SCNN1D: variants seen among roughly 807,000 people sequenced by gnomAD.
SCNN1D encodes the protein epithelial sodium channel subunit delta.
SCNN1D carries 104 observed loss-of-function variants against 87.8 expected under a neutral mutation model. The ratio of observed to expected loss-of-function variants is 1.18; its 90% confidence interval spans 1.01 to 1.39. SCNN1D has a LOEUF of 1.39. Ranked by LOEUF, SCNN1D falls within the 40% of genes most tolerant of loss-of-function variation. SCNN1D has a pLI of 0.00. For missense variants in SCNN1D, 1,324 were observed against 1,093.9 expected (o/e 1.21, Z -2.97); for synonymous variants, 628 against 481.2 (o/e 1.31, Z -3.99).
At chr1:1,286,639 G>A (rs1640597507) in intron 7 of SCNN1D, 129 bp from the exon 8 acceptor site, 1 of 888,066 alleles carries the variant, frequency 1.1e-6, no homozygotes, top group South Asian at 1.7e-5. Context: ...CTCCAGCTCT[G>A]GGTCCAGCTC....
At chr1:1,288,297 G>A (rs1192757350) in intron 12 of SCNN1D, among the ~76,000 whole-genome samples, 2 of 79,114 alleles carry the variant, frequency 2.5e-5, no homozygotes, top group Non-Finnish European at 1.9e-5. Flanking sequence ...GCTCCGTCCC[G>A]TGTCTGCTCC....
chr1:1,290,548 C>A lies in SCNN1D; in HGVS notation c.1852C>A (p.Pro618Thr). The A allele has an allele frequency of 6.2e-7, 1 of 1,612,686 alleles. No homozygotes were observed. Among genetic ancestry groups the A allele is most frequent in the South Asian group, 1.1e-5 (1 of 91,092 alleles). Residue 618 changes from proline to threonine, a missense_variant, in exon 14 of 18, where the codon CCC becomes ACC. Physicochemically the swap from Pro to Thr is conservative, Grantham distance 38 (BLOSUM62 -1). Coordinates refer to ENST00000379116, the MANE Select transcript of SCNN1D (RefSeq NM_001130413.4). The stretch of plus-strand genomic sequence containing the variant: ...CCCCTGTACCTCCCGCTGCCCCAGG[C>A]CCTGCAGGTGAGACGGGGGTGTTGG... ...RLPCTSRCPRPCRESAFKLST... is the reference protein window; with the variant it reads ...RLPCTSRCPRTCRESAFKLST...
In SCNN1D at chr1:1,290,431, G is replaced by C. The variant is rs188351262; in HGVS notation, c.1780+43G>C. 3.1e-6 allele frequency: 5 copies of C among 1,598,734 alleles called. No individual in the cohort carries two copies. In the East Asian group the frequency reaches 1.1e-4, roughly 36 times the overall value. Reference sequence around the variant, plus strand: ...CCTCCCACTCTGTCAGCCATTAGCCGGGGGGTCACAGCGAGCCTCACACAT... The same window carrying C: ...CCTCCCACTCTGTCAGCCATTAGCCCGGGGGTCACAGCGAGCCTCACACAT... On this transcript the variant is annotated intron_variant, in intron 13 of 17. Coordinates refer to ENST00000379116, the MANE Select transcript of SCNN1D (RefSeq NM_001130413.4).
chr1:1,285,730 C>A, intron 6 of SCNN1D, 66 bp downstream of exon 6: 1 of 1,328,938 alleles, frequency 7.5e-7, no homozygotes, highest in Non-Finnish European at 1.0e-6. Context: ...AACTCAGCTC[C>A]AAGGCTACAC....
At position 1,287,038 on chromosome 1, in the gene SCNN1D, TGCTG is replaced by T; in HGVS notation, c.1119+65_1120-66del. 2.5e-6 allele frequency: 4 copies of T among 1,580,532 alleles called. No homozygotes were observed. The South Asian group carries it at 4.6e-5, about 18-fold the overall frequency. On this transcript the variant is annotated intron_variant, in intron 8 of 17. Coordinates refer to ENST00000379116, the MANE Select transcript of SCNN1D (RefSeq NM_001130413.4). ...TTGAGCTGGGAGCACGGCCCTGCGCTGCTGGTACCTCGAGTGGGGAGCGGGGCCT... is the reference window on the plus strand; with the variant it reads ...TTGAGCTGGGAGCACGGCCCTGCGCTGTACCTCGAGTGGGGAGCGGGGCCT...
rs202246275 is a variant in SCNN1D at position 1,287,996 on chromosome 1, G to C, written c.1621G>C (p.Val541Leu). Reference protein sequence around the residue: ...YGHCTAGGEGVEVELLHNTSY... With the variant: ...YGHCTAGGEGLEVELLHNTSY... ...CCACTGCACCGCCGGCGGGGAAGGC[G>C]TGGAGGTGGAGCTGCTACACAACAC... Residue 541 changes from valine (V) to leucine (L), a missense_variant, in exon 12 of 18, where the codon GTG (valine) becomes CTG (leucine). Transcript: ENST00000379116. 5,957 of 1,545,790 alleles carry C rather than the reference G, an allele frequency of 3.9e-3. 24 individuals are homozygous for C. Among genetic ancestry groups the C allele is most frequent in the Non-Finnish European group, 4.8e-3 (5,512 of 1,145,276 alleles).
intron 6 of SCNN1D, 73 bp from the exon 7 acceptor site, chr1:1,285,853 G>C: frequency 7.0e-7 from 1 of 1,428,548 alleles, no homozygotes; most frequent in Non-Finnish European, 9.4e-7. Flanking sequence ...GTGGCTGACA[G>C]ACATGACAGG....
At chr1:1,290,995 C>T (rs372470307) in intron 16 of SCNN1D, 42 bp downstream of exon 16, 18 of 1,591,570 alleles carry the variant, frequency 1.1e-5, no homozygotes, top group Non-Finnish European at 1.5e-5. Flanking sequence ...CACAGCCCCT[C>T]TCCCCTCAAA....
Position 1,280,476 on chromosome 1 carries a change from A to T in SCNN1D, c.-186A>T. The T allele has an allele frequency of 2.0e-6, 1 of 490,438 alleles. No individual in the cohort carries two copies. 30.4% of individuals were successfully genotyped at this position (490,438 alleles called of 1,614,324 possible). A position where few individuals can be genotyped will look rare whatever the true frequency, so the allele number is the denominator to read the frequency against. On this transcript the variant is annotated 5_prime_UTR_variant, in exon 1 of 18. Transcript: ENST00000379116. ...GACTCCATCTCAATAAATAAAAAAA[A>T]AAAAGAGTTGTTATCAGTAGAAGGG... is the stretch of plus-strand genomic sequence containing the variant.
Position 1,287,170 on chromosome 1 carries a change from A to T in SCNN1D, c.1181A>T (p.Gln394Leu). The change falls in exon 9 of 18, where the codon CAG becomes CTG. Residue 394 changes from glutamine (Q) to leucine (L), a missense_variant. Physicochemically the swap from Gln to Leu is moderately radical, Grantham distance 113 (BLOSUM62 -2). Coordinates refer to ENST00000379116, the MANE Select transcript of SCNN1D (RefSeq NM_001130413.4). ...TACACGTCAGGCGTGGCGGCTGTCC[A>T]GGACTGGTACCACTTCCACTATGTG... Reference protein sequence around the residue: ...RGYTSGVAAVQDWYHFHYVDI... With the variant: ...RGYTSGVAAVLDWYHFHYVDI... 6.2e-7 allele frequency: 1 copy of T among 1,611,848 alleles called. No individual in the cohort carries two copies. The highest frequency in any genetic ancestry group is 8.5e-7 in the Non-Finnish European group (1 of 1,179,304).
Position 1,291,582 on chromosome 1 carries a change from C to G in SCNN1D, c.2381C>G (p.Pro794Arg). The G allele has an allele frequency of 6.4e-7, 1 of 1,559,322 alleles. No individual in the cohort carries two copies. Among genetic ancestry groups the G allele is most frequent in the Non-Finnish European group, 8.7e-7 (1 of 1,149,894 alleles). Residue 794 changes from proline (P) to arginine (R), a missense_variant, in exon 18 of 18, where the codon CCC (proline) becomes CGC (arginine). Pro to Arg is a moderately radical substitution (Grantham distance 103). Coordinates refer to ENST00000379116, the MANE Select transcript of SCNN1D (RefSeq NM_001130413.4). ...GVSAEESWAG[P>R]QPLETLDT ...TCAGCCGAAGAGAGCTGGGCTGGGC[C>G]CCAGCCCCTTGAGACTCTGGACACC...
chr1:1,285,645 C>T lies in SCNN1D; in HGVS notation c.539C>T (p.Ala180Val), dbSNP rs1640572445. The T allele has an allele frequency of 6.5e-7, 1 of 1,546,448 alleles. No individual in the cohort carries two copies. The highest frequency in any genetic ancestry group is 8.7e-7 in the Non-Finnish European group (1 of 1,145,000). Residue 180 changes from alanine (A) to valine (V), a missense_variant, in exon 6 of 18, where the codon GCT becomes GTT. By Grantham distance (64) the Ala-to-Val change is moderately conservative (BLOSUM62 0). Transcript: ENST00000379116. ...GWQHRPTQHN[A>V]ACKQGQAAAQ... ...CAGCACAGACCCACTCAGCACAACG[C>T]TGCCTGCAAACAGGGCCAGGTAGGG...
At chr1:1,280,919 C>T in intron 1 of SCNN1D, 1 of 584,436 alleles carries the variant, frequency 1.7e-6, no homozygotes, top group Non-Finnish European at 3.1e-6. Context: ...TTGGTGCCAC[C>T]TTAGTGCCTG....
At position 1,288,002 on chromosome 1, in the gene SCNN1D, G is replaced by C; in HGVS notation, c.1627G>C (p.Val543Leu). 1.3e-6 allele frequency: 2 copies of C among 1,545,658 alleles called. No homozygotes were observed. Among genetic ancestry groups the C allele is most frequent in the Non-Finnish European group, 1.7e-6 (2 of 1,145,338 alleles). ...CACCGCCGGCGGGGAAGGCGTGGAG[G>C]TGGAGCTGCTACACAACACCTCCTA... is the stretch of plus-strand genomic sequence containing the variant. ...HCTAGGEGVE[V>L]ELLHNTSYTR... is the part of the protein sequence containing the mutation. Residue 543 changes from valine (V) to leucine (L), a missense_variant, in exon 12 of 18, where the codon GTG (valine) becomes CTG (leucine). Val to Leu is a conservative substitution (Grantham distance 32). Transcript: ENST00000379116.
chr1:1,287,330 C>T (rs373306132), intron 9 of SCNN1D, 31 bp downstream of exon 9: 22 of 1,539,676 alleles, frequency 1.4e-5, no homozygotes, highest in Middle Eastern at 1.8e-4. Flanking sequence ...CCACTCCTTC[C>T]GTCCCACCCC....
At chr1:1,288,070 G>A in intron 12 of SCNN1D, 33 bp downstream of exon 12, 1 of 1,405,344 alleles carries the variant, frequency 7.1e-7, no homozygotes, top group Non-Finnish European at 9.6e-7. Context: ...TGCGGGGGCA[G>A]GTGAGGCTGG....
intron 3 of SCNN1D, 112 bp from the exon 4 acceptor site, chr1:1,282,130 G>A (rs1458110724): frequency 8.8e-6 from 6 of 681,398 alleles, no homozygotes; most frequent in South Asian, 6.9e-5. Context: ...GCCCCCTGCC[G>A]CGAGCTTGGA....
chr1:1,290,566 G>T lies in SCNN1D; in HGVS notation c.1859+11G>T. 1 of 1,612,640 alleles carries T rather than the reference G, an allele frequency of 6.2e-7. No homozygotes were observed. The highest frequency in any genetic ancestry group is 8.5e-7 in the Non-Finnish European group (1 of 1,179,912). On this transcript the variant is annotated intron_variant, in intron 14 of 17. Transcript: ENST00000379116. The stretch of plus-strand genomic sequence containing the variant: ...CCCCAGGCCCTGCAGGTGAGACGGG[G>T]GTGTTGGGGTCGCGGCCAGGGATCA...
chr1:1,291,209 C>G, intron 17 of SCNN1D, 45 bp from the exon 18 acceptor site: 2 of 1,578,468 alleles, frequency 1.3e-6, no homozygotes, highest in Non-Finnish European at 1.7e-6. Flanking sequence ...ACAGAAGGGG[C>G]ACGGGGGCCT....
Sources: allele counts gnomAD v4.1 joint callset (sites outside exome capture counted in the v4.1 genomes callset), GRCh38; gene constraint gnomAD v4.1.1; transcripts MANE v1.5; gene names NCBI Gene and HGNC (gene_info 2026-07-23, HGNC 2026-07-21).